CEPT1: variants seen among roughly 807,000 people sequenced by gnomAD.
CEPT1 encodes choline/ethanolaminephosphotransferase 1.
A neutral mutation model predicts 42.6 loss-of-function variants in CEPT1; 7 were observed. That is an observed-to-expected ratio of 0.16 (90% confidence interval 0.09 to 0.31). CEPT1 has a LOEUF of 0.31. CEPT1 is among the 10% of genes least tolerant of loss of function. CEPT1 has a pLI of 1.00. For missense variants in CEPT1, 306 were observed against 502.1 expected (o/e 0.61, Z 3.73); for synonymous variants, 171 against 171.9 (o/e 0.99, Z 0.04).
intron 2 of CEPT1, among the ~76,000 whole-genome samples, chr1:111,157,717 G>A (rs1386661911): frequency 6.6e-6 from 1 of 152,170 alleles, no homozygotes; most frequent in African/African-American, 2.4e-5. Context: ...GGAGGTATGT[G>A]CTAGCTCCTT....
intron 4 of CEPT1, among the ~76,000 whole-genome samples, chr1:111,169,629 TTC>T (rs1382063718): frequency 6.6e-6 from 1 of 151,282 alleles, no homozygotes; most frequent in Non-Finnish European, 1.5e-5. Flanking sequence ...TGCAGAGATT[TTC>T]TTTTGCTTTT....
At chr1:111,153,541 C>T (rs143887516) in intron 2 of CEPT1, among the ~76,000 whole-genome samples, 140 of 152,222 alleles carry the variant, frequency 9.2e-4, no homozygotes, top group African/African-American at 3.1e-3. Flanking sequence ...AAAATCTTTG[C>T]GTAGACCAAT....
intron 4 of CEPT1, chr1:111,173,121 C>G (rs1395265496): frequency 6.6e-6 from 1 of 152,170 alleles, no homozygotes; most frequent in Non-Finnish European, 1.5e-5. Flanking sequence ...AAGGCTACTT[C>G]ATATATCCAG....
At chr1:111,153,211 T>G (rs1000283980) in intron 2 of CEPT1, among the ~76,000 whole-genome samples, 3 of 152,072 alleles carry the variant, frequency 2.0e-5, no homozygotes, top group Non-Finnish European at 4.4e-5. Flanking sequence ...TGCATATGAG[T>G]AAGAACTTGC....
At chr1:111,174,215 C>T (rs1455575237) in intron 4 of CEPT1, among the ~76,000 whole-genome samples, 1 of 152,026 alleles carries the variant, frequency 6.6e-6, no homozygotes, top group Non-Finnish European at 1.5e-5. Context: ...TTCTGCTGCC[C>T]TGTTGTGCAT....
At chr1:111,163,736 A>G (rs2101326024) in intron 4 of CEPT1, among the ~76,000 whole-genome samples, 1 of 152,366 alleles carries the variant, frequency 6.6e-6, no homozygotes, top group South Asian at 2.1e-4. Flanking sequence ...GAATACATAT[A>G]GATATCCCTA....
chr1:111,148,184 G>T lies in CEPT1; in HGVS notation c.339+131G>T, dbSNP rs562969428. 5.7e-6 allele frequency: 4 copies of T among 703,666 alleles called. No homozygotes were observed. In the Admixed American group the frequency reaches 1.1e-4, roughly 19 times the overall value. The allele number at this position is 703,666 out of a possible 1,614,324, so 43.6% of individuals were successfully genotyped here. A position where few individuals can be genotyped will look rare whatever the true frequency, so the allele number is the denominator to read the frequency against. ...ACTATTTTAAAATATCACACACACTGTGATAAAGCTTGTAAGTACAGCCTA... is the reference window on the plus strand; with the variant it reads ...ACTATTTTAAAATATCACACACACTTTGATAAAGCTTGTAAGTACAGCCTA... On this transcript the variant is annotated intron_variant, in intron 2 of 8. Coordinates refer to ENST00000357172, the MANE Select transcript of CEPT1 (RefSeq NM_006090.5).
At chr1:111,143,734 G>GT (rs1026723553) in intron 1 of CEPT1, among the ~76,000 whole-genome samples, 11 of 151,798 alleles carry the variant, frequency 7.2e-5, no homozygotes, top group Non-Finnish European at 1.6e-4. Flanking sequence ...TAACTTTTGG[G>GT]TTTTTTTGTT....
At position 111,158,641 on chromosome 1, in the gene CEPT1, A is replaced by G. The variant is rs966441917; in HGVS notation, c.340-739A>G. Among the ~76,000 whole-genome samples, 9 of 152,286 alleles carry G rather than the reference A, an allele frequency of 5.9e-5. No individual in the cohort carries two copies. In the East Asian group the frequency reaches 1.7e-3, roughly 29 times the overall value. ...AAGGACTAGAAGAAGTCCTGTAGTA[A>G]AGAAATCCATTTAACATTGTTTAGT... On this transcript the variant is annotated intron_variant, in intron 2 of 8. Coordinates refer to ENST00000357172, the MANE Select transcript of CEPT1 (RefSeq NM_006090.5).
Position 111,184,505 on chromosome 1 carries a change from A to G in CEPT1, c.*195A>G, listed in dbSNP as rs12404986. ...TTTCAAGTCCCATCTTGTAAATTGT[A>G]TATGTTGTCATGCAGGGTTTGGGCC... On this transcript the variant is annotated 3_prime_UTR_variant, in exon 9 of 9. Transcript: ENST00000357172. 5.1e-5 allele frequency: 23 copies of G among 448,650 alleles called. No individual in the cohort carries two copies. The highest frequency in any genetic ancestry group is 1.2e-4 in the Admixed American group (3 of 25,434). 27.8% of individuals were successfully genotyped at this position (448,650 alleles called of 1,614,324 possible). A position where few individuals can be genotyped will look rare whatever the true frequency, so the allele number is the denominator to read the frequency against.
At chr1:111,180,229 T>C (rs1412435984) in intron 5 of CEPT1, 7 of 152,320 alleles carry the variant, frequency 4.6e-5, no homozygotes, top group African/African-American at 1.7e-4. Context: ...TTTGCTTCTT[T>C]TGGAATCTGA....
chr1:111,176,892 A>C (rs1327988276), intron 5 of CEPT1, among the ~76,000 whole-genome samples: 2 of 152,202 alleles, frequency 1.3e-5, no homozygotes, highest in Non-Finnish European at 2.9e-5. Context: ...TTTACATACT[A>C]CTGTTAAGCA....
chr1:111,155,444 T>TC (rs1655509240), intron 2 of CEPT1, among the ~76,000 whole-genome samples: 1 of 151,500 alleles, frequency 6.6e-6, no homozygotes, highest in Non-Finnish European at 1.5e-5. Context: ...CATTTTATCA[T>TC]TTGTGTGTGT....
Position 111,183,551 on chromosome 1 carries a change from C to T in CEPT1, c.1095C>T (p.Ser365=). Residue 365 remains serine (S), a synonymous_variant, in exon 8 of 9, where the codon AGC becomes AGT. Transcript: ENST00000357172. ...ALLFLDQYFN[S]FIDEYIVLWI... ...TGTTTCTGGACCAGTATTTTAACAG[C>T]TTTATTGATGAATATATTGTACTTT... is the stretch of plus-strand genomic sequence containing the variant. 1 of 1,612,764 alleles carries T rather than the reference C, an allele frequency of 6.2e-7. No individual in the cohort carries two copies. Among genetic ancestry groups the T allele is most frequent in the Non-Finnish European group, 8.5e-7 (1 of 1,178,848 alleles).
At chr1:111,142,116 T>C (rs1654670413) in intron 1 of CEPT1, among the ~76,000 whole-genome samples, 1 of 152,260 alleles carries the variant, frequency 6.6e-6, no homozygotes, top group African/African-American at 2.4e-5. Flanking sequence ...ACAGGAATAA[T>C]GTAGCCCATA....
chr1:111,153,896 C>T (rs1400120817), intron 2 of CEPT1, among the ~76,000 whole-genome samples: 1 of 152,064 alleles, frequency 6.6e-6, no homozygotes, highest in Non-Finnish European at 1.5e-5. Flanking sequence ...GTGATGCCTC[C>T]AGCTTTGTTC....
At chr1:111,172,010 T>G (rs1198897625) in intron 4 of CEPT1, among the ~76,000 whole-genome samples, 2 of 152,232 alleles carry the variant, frequency 1.3e-5, no homozygotes, top group African/African-American at 4.8e-5. Flanking sequence ...AGTGCTGGGA[T>G]TACAGGCGTG....
chr1:111,172,749 G>C (rs1268466164), intron 4 of CEPT1, among the ~76,000 whole-genome samples: 2 of 152,184 alleles, frequency 1.3e-5, no homozygotes, highest in South Asian at 4.1e-4. Context: ...CAGTTCTCAT[G>C]ATTCAGAGCA....
At chr1:111,164,459 G>T (rs1656029553) in intron 4 of CEPT1, among the ~76,000 whole-genome samples, 2 of 152,090 alleles carry the variant, frequency 1.3e-5, no homozygotes, top group African/African-American at 4.8e-5. Flanking sequence ...GGATTGGGTT[G>T]TAGAAGATAA....
Sources: gnomAD v4.1 joint callset for allele counts (sites outside exome capture counted in the v4.1 genomes callset) on GRCh38, gnomAD v4.1.1 for gene constraint, MANE v1.5 for transcripts, NCBI Gene and HGNC (gene_info 2026-07-23, HGNC 2026-07-21) for gene names.